Variants in SORBS2 observed in about 807,000 individuals in gnomAD.
SORBS2 encodes the protein sorbin and SH3 domain-containing protein 2.
In SORBS2, 46 loss-of-function variants were observed where a neutral mutation model predicts 97.7. The observed-to-expected ratio is 0.47, with a 90% CI of 0.37 to 0.60. The LOEUF (loss-of-function observed/expected upper bound fraction) is 0.60, where lower values mean the gene tolerates loss of function less well. Among genes scored for constraint, SORBS2 ranks in the 20% least tolerant of loss-of-function variants. SORBS2 has a pLI of 0.00. For missense variants in SORBS2, 1,316 were observed against 1,282.3 expected (o/e 1.03, Z -0.40); for synonymous variants, 476 against 473.4 (o/e 1.01, Z -0.07).
intron 2 of SORBS2, among the ~76,000 whole-genome samples, chr4:185,747,250 G>A (rs1026171193): frequency 6.6e-6 from 1 of 152,168 alleles, no homozygotes; most frequent in African/African-American, 2.4e-5. Flanking sequence ...CTTGGACCTC[G>A]AGCCTGGAGA....
At chr4:185,611,719 A>G (rs757100570) in intron 12 of SORBS2, 61 bp downstream of exon 24, 140 of 1,315,048 alleles carry the variant, frequency 1.1e-4, no homozygotes, top group Non-Finnish European at 1.4e-4. Context: ...CTAAAGTCAC[A>G]CACCGATTAT....
chr4:185,689,822 G>A (rs2098057085), intron 2 of SORBS2, among the ~76,000 whole-genome samples: 1 of 152,186 alleles, frequency 6.6e-6, no homozygotes, highest in Admixed American at 6.5e-5. Flanking sequence ...ACTTTCCAGT[G>A]ATCACTTGTG....
At chr4:185,852,034 C>T (rs995555331) in intron 1 of SORBS2, among the ~76,000 whole-genome samples, 1 of 152,186 alleles carries the variant, frequency 6.6e-6, no homozygotes, top group African/African-American at 2.4e-5. Context: ...TAGAGCTTAG[C>T]TTATACCAGA....
chr4:185,593,898 C>A (rs752347706), exon 13 of SORBS2: 1 of 1,604,494 alleles, frequency 6.2e-7, no homozygotes, highest in Non-Finnish European at 8.5e-7. Flanking sequence ...TTCCCCCCCA[C>A]CTTGAATATT....
intron 1 of SORBS2, chr4:185,656,574 T>C (rs2097407030): frequency 7.0e-7 from 1 of 1,425,164 alleles, no homozygotes; most frequent in Non-Finnish European, 9.6e-7. Context: ...CTGCAAAGTA[T>C]ATGCAGCTGC....
intron 2 of SORBS2, among the ~76,000 whole-genome samples, chr4:185,688,728 T>C (rs73876151): frequency 0.022 from 3,317 of 152,210 alleles, 130 homozygotes; most frequent in African/African-American, 0.076. Context: ...TGCTTTCAAA[T>C]TCCTAAGGCA....
chr4:185,616,946 ACCATGTTGGCCAGG>A (rs1267057547), intron 9 of SORBS2, among the ~76,000 whole-genome samples: 1 of 152,084 alleles, frequency 6.6e-6, no homozygotes, highest in East Asian at 1.9e-4. Flanking sequence ...ACGGGGTTTC[ACCATGTTGGCCAGG>A]CTGGTCTCGA....
intron 7 of SORBS2, among the ~76,000 whole-genome samples, chr4:185,620,705 CCT>C (rs2096707040): frequency 6.6e-6 from 1 of 152,158 alleles, no homozygotes; most frequent in African/African-American, 2.4e-5. Context: ...CTTCGCTCTT[CCT>C]CTGTTTTTAA....
At chr4:185,727,222 A>G (rs1032250043) in intron 2 of SORBS2, among the ~76,000 whole-genome samples, 2 of 152,194 alleles carry the variant, frequency 1.3e-5, no homozygotes, top group African/African-American at 4.8e-5. Context: ...ATCAGAGCAA[A>G]TTCTCATCCC....
intron 13 of SORBS2, among the ~76,000 whole-genome samples, chr4:185,590,326 G>C (rs1275054384): frequency 6.6e-6 from 1 of 152,152 alleles, no homozygotes; most frequent in African/African-American, 2.4e-5. Flanking sequence ...TAATCACTCT[G>C]TGTGAATTAC....
chr4:185,858,122 G>GGA (rs1464705454), intron 1 of SORBS2, among the ~76,000 whole-genome samples: 2 of 152,160 alleles, frequency 1.3e-5, no homozygotes, highest in African/African-American at 2.4e-5. Flanking sequence ...TGGCACCCCT[G>GGA]GAGGCCCAGC....
At chr4:185,670,465 C>T (rs1379223532) in intron 4 of SORBS2, among the ~76,000 whole-genome samples, 2 of 152,062 alleles carry the variant, frequency 1.3e-5, no homozygotes, top group Admixed American at 1.3e-4. Flanking sequence ...CTCTTAACAC[C>T]TTTAGTCATT....
At chr4:185,700,964 C>T (rs2098252563) in intron 2 of SORBS2, among the ~76,000 whole-genome samples, 1 of 152,226 alleles carries the variant, frequency 6.6e-6, no homozygotes, top group Non-Finnish European at 1.5e-5. Context: ...TTATATTCCA[C>T]AGTTACACAG....
At chr4:185,755,280 C>T (rs1323870000) in intron 2 of SORBS2, among the ~76,000 whole-genome samples, 1 of 152,230 alleles carries the variant, frequency 6.6e-6, no homozygotes, top group Non-Finnish European at 1.5e-5. Flanking sequence ...CTTCCCATCG[C>T]AAGCACAGCC....
chr4:185,795,446 ACCT>A (rs2099100306), intron 1 of SORBS2, among the ~76,000 whole-genome samples: 1 of 151,894 alleles, frequency 6.6e-6, no homozygotes, highest in South Asian at 2.1e-4. Flanking sequence ...CCCAGCAGAC[ACCT>A]CCTGCCCAGC....
At chr4:185,743,627 A>G (rs1453010574) in intron 2 of SORBS2, among the ~76,000 whole-genome samples, 2 of 151,900 alleles carry the variant, frequency 1.3e-5, no homozygotes, top group Admixed American at 1.3e-4. Flanking sequence ...CCCCTCCCCA[A>G]CTCCCACAAA....
At chr4:185,820,375 T>G (rs2099196016) in intron 1 of SORBS2, among the ~76,000 whole-genome samples, 2 of 152,212 alleles carry the variant, frequency 1.3e-5, no homozygotes, top group Admixed American at 1.3e-4. Flanking sequence ...CCCCTCCCCT[T>G]TAATTTAAAT....
chr4:185,638,006 A>T, intron 4 of SORBS2, 73 bp downstream of exon 15: 1 of 925,742 alleles, frequency 1.1e-6, no homozygotes, highest in Non-Finnish European at 1.8e-6. Context: ...ACCCACGTCT[A>T]CTGATAATTG....
At chr4:185,818,935 T>C (rs977381460) in intron 1 of SORBS2, among the ~76,000 whole-genome samples, 2 of 152,196 alleles carry the variant, frequency 1.3e-5, no homozygotes, top group African/African-American at 4.8e-5. Flanking sequence ...AAAATTTATC[T>C]GAGAGCTGAT....
Sources: allele counts gnomAD v4.1 joint callset (sites outside exome capture counted in the v4.1 genomes callset), GRCh38; gene constraint gnomAD v4.1.1; transcripts MANE v1.5; gene names NCBI Gene and HGNC (gene_info 2026-07-23, HGNC 2026-07-21).